MYO6: variants seen among roughly 807,000 people sequenced by gnomAD.
MYO6 encodes the protein myosin VI.
Under a neutral mutation model 178.7 loss-of-function variants are expected in MYO6, and 74 were observed. That is an observed-to-expected ratio of 0.41 (90% CI 0.34 to 0.50). MYO6 has a LOEUF of 0.50. Ranked by LOEUF, MYO6 falls within the 20% of genes least tolerant of loss-of-function variation. The pLI is 0.09. For missense variants in MYO6, 1,330 were observed against 1,547.4 expected (o/e 0.86, Z 2.36); for synonymous variants, 477 against 504.6 (o/e 0.95, Z 0.73).
chr6:75,877,858 A>G (rs140091334), intron 20 of MYO6, among the ~76,000 whole-genome samples: 4 of 152,286 alleles, frequency 2.6e-5, no homozygotes, highest in Non-Finnish European at 5.9e-5. Context: ...AGGCTTGGTA[A>G]TTTGTTAAGC....
At chr6:75,886,583 C>T (rs1778451248) in intron 24 of MYO6, among the ~76,000 whole-genome samples, 1 of 152,160 alleles carries the variant, frequency 6.6e-6, no homozygotes, top group African/African-American at 2.4e-5. Flanking sequence ...ATCCATCACA[C>T]CTTTTCAAAG....
chr6:75,880,516 T>G (rs1392412348), intron 22 of MYO6, among the ~76,000 whole-genome samples: 1 of 152,148 alleles, frequency 6.6e-6, no homozygotes, highest in Non-Finnish European at 1.5e-5. Context: ...CATAATGTTT[T>G]AAGAAAGTTT....
chr6:75,769,793 G>A (rs1370286741), intron 1 of MYO6, among the ~76,000 whole-genome samples: 3 of 152,316 alleles, frequency 2.0e-5, no homozygotes, highest in Admixed American at 2.0e-4. Context: ...CCAGCTACTT[G>A]GGAGGCTGAG....
chr6:75,842,383 T>C (rs1239151761), intron 9 of MYO6, among the ~76,000 whole-genome samples: 3 of 152,212 alleles, frequency 2.0e-5, no homozygotes, highest in African/African-American at 7.2e-5. Context: ...ATGTCGTCTG[T>C]ATAGAGTTCC....
In MYO6 at chr6:75,862,563, C is replaced by T. The variant is rs371324022; in HGVS notation, c.1547-33C>T. On this transcript the variant is annotated intron_variant, in intron 15 of 34. Transcript: ENST00000369977. The stretch of plus-strand genomic sequence containing the variant: ...ATATCTTTAAAATGTTATGTTTTTA[C>T]ACTATTGTGAGTGTTTTCATTTTTT... 3 of 1,572,418 alleles carry T rather than the reference C, an allele frequency of 1.9e-6. No individual in the cohort carries two copies. In the African/African-American group the frequency reaches 4.1e-5, roughly 21 times the overall value.
At chr6:75,900,509 T>G (rs1447132026) in intron 30 of MYO6, among the ~76,000 whole-genome samples, 2 of 151,858 alleles carry the variant, frequency 1.3e-5, no homozygotes, top group African/African-American at 4.8e-5. Flanking sequence ...TTTTTTCATG[T>G]TTTTTTTGGC....
chr6:75,818,334 A>T (rs1272037473), intron 2 of MYO6, among the ~76,000 whole-genome samples: 1 of 152,182 alleles, frequency 6.6e-6, no homozygotes, highest in Non-Finnish European at 1.5e-5. Flanking sequence ...AGACTGATAC[A>T]GTCTGTTTTT....
At position 75,828,576 on chromosome 6, in the gene MYO6, A is replaced by G; in HGVS notation, c.224A>G (p.His75Arg). The G allele has an allele frequency of 2.5e-6, 4 of 1,585,840 alleles. No individual in the cohort carries two copies. Among genetic ancestry groups the G allele is most frequent in the Non-Finnish European group, 3.5e-6 (4 of 1,154,718 alleles). ...TATTTAAATGAAGCCACACTGCTCC[A>G]TAATATCAAAGTTCGATATAGTAAA... ...LMYLNEATLL[H>R]NIKVRYSKDR... Residue 75 changes from histidine to arginine, a missense_variant, in exon 4 of 35, where the codon CAT becomes CGT. This residue lies in a region of MYO6 where 116 missense variants were observed against 104.6 expected (regional missense o/e 1.11). Coordinates refer to ENST00000369977, the MANE Select transcript of MYO6 (RefSeq NM_004999.4).
At chr6:75,904,281 C>T (rs1183743220) in intron 30 of MYO6, among the ~76,000 whole-genome samples, 1 of 150,344 alleles carries the variant, frequency 6.7e-6, no homozygotes, top group African/African-American at 2.4e-5. Flanking sequence ...GCCTGCCTTG[C>T]TAGATTGGGT....
intron 1 of MYO6, among the ~76,000 whole-genome samples, chr6:75,786,246 A>C (rs1767556967): frequency 6.6e-6 from 1 of 152,012 alleles, no homozygotes; most frequent in Non-Finnish European, 1.5e-5. Flanking sequence ...TATATATATA[A>C]ATCTTTGCTC....
chr6:75,822,847 T>C lies in MYO6; in HGVS notation c.183T>C (p.Asp61=). The change falls in exon 3 of 35, where the codon GAT becomes GAC. Residue 61 remains aspartate (D), a synonymous_variant. Transcript: ENST00000369977. ...AGGACAGTAAAAAAGATGTGGAAGATAACTGTAAGTACCAAGTTAAAAATT... is the reference window on the plus strand; with the variant it reads ...AGGACAGTAAAAAAGATGTGGAAGACAACTGTAAGTACCAAGTTAAAAATT... The part of the protein sequence containing the change: ...AEEDSKKDVE[D]NCSLMYLNEA... 1 of 1,611,978 alleles carries C rather than the reference T, an allele frequency of 6.2e-7. No homozygotes were observed. Among genetic ancestry groups the C allele is most frequent in the Non-Finnish European group, 8.5e-7 (1 of 1,178,302 alleles).
chr6:75,783,454 C>T (rs149740635), intron 1 of MYO6, among the ~76,000 whole-genome samples: 194 of 152,046 alleles, frequency 1.3e-3, no homozygotes, highest in Non-Finnish European at 2.3e-3. Flanking sequence ...TTTTCTCTTC[C>T]GGTATTTTGA....
intron 10 of MYO6, 152 bp downstream of exon 10, chr6:75,845,129 A>C (rs1774601625): frequency 1.5e-6 from 1 of 669,732 alleles, no homozygotes; most frequent in East Asian, 2.7e-5. Flanking sequence ...TCTCTGTCAC[A>C]GTGTAATACT....
intron 32 of MYO6, among the ~76,000 whole-genome samples, chr6:75,908,855 A>G (rs886914611): frequency 1.3e-5 from 2 of 152,100 alleles, no homozygotes; most frequent in Non-Finnish European, 2.9e-5. Flanking sequence ...TATAATTGAG[A>G]CAAGAATTTT....
chr6:75,849,665 G>C (rs1456170274), intron 11 of MYO6, among the ~76,000 whole-genome samples: 1 of 152,118 alleles, frequency 6.6e-6, no homozygotes, highest in Admixed American at 6.6e-5. Context: ...AGTGTGGAAG[G>C]GGTCCCGAGT....
chr6:75,855,666 T>C (rs1583283986), intron 12 of MYO6, among the ~76,000 whole-genome samples: 1 of 152,214 alleles, frequency 6.6e-6, no homozygotes, highest in Admixed American at 6.5e-5. Flanking sequence ...AATGACACTT[T>C]CCTTATGTTT....
chr6:75,876,927 T>G (rs1777608777), intron 20 of MYO6, among the ~76,000 whole-genome samples: 1 of 152,338 alleles, frequency 6.6e-6, no homozygotes, highest in African/African-American at 2.4e-5. Flanking sequence ...TAACTTTCCA[T>G]TTTCATTTTA....
intron 1 of MYO6, among the ~76,000 whole-genome samples, chr6:75,801,950 A>C (rs1402249986): frequency 1.3e-5 from 2 of 152,138 alleles, no homozygotes; most frequent in East Asian, 3.9e-4. Flanking sequence ...CAAAAAAAAA[A>C]AAATGTGATT....
intron 1 of MYO6, among the ~76,000 whole-genome samples, chr6:75,774,888 G>A (rs1766227906): frequency 6.6e-6 from 1 of 151,898 alleles, no homozygotes; most frequent in Non-Finnish European, 1.5e-5. Context: ...TTGTCTCCCA[G>A]GTTCAAGCGA....
Sources: gnomAD v4.1 joint callset for allele counts (sites outside exome capture counted in the v4.1 genomes callset) on GRCh38, gnomAD v4.1.1 for gene constraint, gnomAD v4.1.1 regional missense constraint, MANE v1.5 for transcripts, NCBI Gene and HGNC (gene_info 2026-07-23, HGNC 2026-07-21) for gene names.